Variants in SERPINE2 observed in about 807,000 individuals in gnomAD.
The protein encoded by SERPINE2 is serpin family E member 2.
Under a neutral mutation model 36.3 loss-of-function variants are expected in SERPINE2, and 14 were observed. That is an observed-to-expected ratio of 0.39 (90% CI 0.25 to 0.60). The LOEUF is 0.60. Among genes scored for constraint, SERPINE2 ranks in the 20% least tolerant of loss-of-function variants. The pLI, the probability that SERPINE2 is intolerant of heterozygous loss-of-function variation, is 0.57. For synonymous variants in SERPINE2, 192 were observed against 191.8 expected (o/e 1.00, Z -0.01); for missense variants, 418 against 499.6 (o/e 0.84, Z 1.56).
At chr2:223,980,202 C>G (rs729631) in intron 7 of SERPINE2, 109 bp downstream of exon 7, 690,917 of 886,048 alleles carry the variant, frequency 0.78, 273,195 homozygotes, top group Admixed American at 0.83. Flanking sequence ...CCCACACACA[C>G]TGCCTGGCTG....
intron 1 of SERPINE2, chr2:224,031,161 A>C: frequency 1.0e-6 from 1 of 985,444 alleles, no homozygotes; most frequent in African/African-American, 1.7e-5. Context: ...CACGGTTCAC[A>C]CATCTACAGA....
chr2:223,995,668 G>T (rs910800216), intron 3 of SERPINE2, among the ~76,000 whole-genome samples: 2 of 152,166 alleles, frequency 1.3e-5, no homozygotes, highest in Admixed American at 1.3e-4. Flanking sequence ...GAATTTGCCA[G>T]GAATGTGAGT....
chr2:224,005,347 C>T (rs1017047980), intron 1 of SERPINE2, among the ~76,000 whole-genome samples: 3 of 151,870 alleles, frequency 2.0e-5, no homozygotes, highest in African/African-American at 7.3e-5. Context: ...CATAAAAGTG[C>T]ACTGGGACAG....
At chr2:224,027,555 G>A (rs985029376) in intron 1 of SERPINE2, among the ~76,000 whole-genome samples, 114 of 152,292 alleles carry the variant, frequency 7.5e-4, no homozygotes, top group African/African-American at 2.6e-3. Context: ...AGGACTTAGG[G>A]ACAAGGTGGG....
At chr2:224,011,542 T>C (rs1691622889) in intron 1 of SERPINE2, among the ~76,000 whole-genome samples, 1 of 152,226 alleles carries the variant, frequency 6.6e-6, no homozygotes, top group Non-Finnish European at 1.5e-5. Flanking sequence ...TCTGATCCTT[T>C]AGAATAACCC....
At chr2:224,005,848 T>C (rs1691402628) in intron 1 of SERPINE2, among the ~76,000 whole-genome samples, 2 of 152,220 alleles carry the variant, frequency 1.3e-5, no homozygotes, top group South Asian at 4.1e-4. Flanking sequence ...AATAGGTCTC[T>C]AGGCCATCAT....
chr2:223,990,553 A>G (rs1690622302), intron 4 of SERPINE2, among the ~76,000 whole-genome samples: 1 of 152,132 alleles, frequency 6.6e-6, no homozygotes, highest in Admixed American at 6.5e-5. Flanking sequence ...ACAGTAAATG[A>G]GGGCCCCCTC....
chr2:223,991,260 A>G (rs1322553866), intron 4 of SERPINE2, among the ~76,000 whole-genome samples: 2 of 152,224 alleles, frequency 1.3e-5, no homozygotes, highest in East Asian at 1.9e-4. Flanking sequence ...TTATGTTCAC[A>G]GTATAAATTC....
In SERPINE2 at chr2:224,031,771, G is replaced by A. The variant is rs117757013; in HGVS notation, c.-23+7328C>T. Among the ~76,000 whole-genome samples, 452 of 25,714 alleles carry A rather than the reference G, an allele frequency of 0.018. 9 individuals carry two copies. In the East Asian group the frequency reaches 0.18, roughly 10 times the overall value. The allele number at this position is 25,714 out of a possible 152,430, so 16.9% of individuals were successfully genotyped here. On this transcript the variant is annotated intron_variant, in intron 1 of 8. Coordinates refer to ENST00000409304, the MANE Select transcript of SERPINE2 (RefSeq NM_001136528.2). ...ATTTCCACCCCCCACCCCCCCCGCC[G>A]GCTGGAACTGGCTGAAAAGCCCCTC...
intron 4 of SERPINE2, among the ~76,000 whole-genome samples, chr2:223,989,933 G>C (rs1690587880): frequency 6.6e-6 from 1 of 152,318 alleles, no homozygotes; most frequent in East Asian, 1.9e-4. Context: ...ATGATGGACA[G>C]TACCCTGGAC....
At chr2:224,021,034 G>A (rs1691981374) in intron 1 of SERPINE2, among the ~76,000 whole-genome samples, 2 of 152,106 alleles carry the variant, frequency 1.3e-5, no homozygotes, top group South Asian at 2.1e-4. Flanking sequence ...AAACCTCTAC[G>A]GCCCAGAGAA....
chr2:224,035,308 G>T (rs189361606), intron 1 of SERPINE2, among the ~76,000 whole-genome samples: 343 of 152,296 alleles, frequency 2.3e-3, no homozygotes, highest in Admixed American at 5.3e-3. Context: ...AGTGTATTCA[G>T]GCACTGGAAA....
At chr2:223,989,997 G>A (rs1038806757) in intron 4 of SERPINE2, among the ~76,000 whole-genome samples, 2 of 152,164 alleles carry the variant, frequency 1.3e-5, no homozygotes, top group East Asian at 1.9e-4. Context: ...GAAGAGAGGG[G>A]TGGTGACCCA....
At chr2:224,003,404 A>G (rs1402511876) in intron 1 of SERPINE2, among the ~76,000 whole-genome samples, 3 of 152,228 alleles carry the variant, frequency 2.0e-5, no homozygotes, top group Non-Finnish European at 4.4e-5. Flanking sequence ...TGCTCTGATT[A>G]TCTTATAACC....
chr2:224,002,792 T>C (rs1691238370), intron 1 of SERPINE2, among the ~76,000 whole-genome samples: 1 of 151,404 alleles, frequency 6.6e-6, no homozygotes, highest in South Asian at 2.1e-4. Context: ...ATGCTCAGCC[T>C]AATCATTATT....
At chr2:224,023,972 C>G (rs1395158272) in intron 1 of SERPINE2, among the ~76,000 whole-genome samples, 1 of 152,142 alleles carries the variant, frequency 6.6e-6, no homozygotes, top group East Asian at 1.9e-4. Flanking sequence ...AAACAGTGAC[C>G]CAGAAAGAGT....
chr2:223,984,089 T>C (rs956091496), intron 5 of SERPINE2, among the ~76,000 whole-genome samples: 4 of 148,020 alleles, frequency 2.7e-5, no homozygotes, highest in Non-Finnish European at 1.5e-5. Context: ...AAGACCTGGG[T>C]TGTTAAAAGC....
At chr2:223,989,845 A>G (rs547109355) in intron 4 of SERPINE2, among the ~76,000 whole-genome samples, 58 of 152,318 alleles carry the variant, frequency 3.8e-4, no homozygotes, top group Admixed American at 7.2e-4. Context: ...GAGTAAACAG[A>G]TAAGACATCA....
chr2:223,995,225 C>T (rs1159805491), intron 3 of SERPINE2, among the ~76,000 whole-genome samples: 2 of 152,154 alleles, frequency 1.3e-5, no homozygotes, highest in Admixed American at 6.5e-5. Context: ...AAAAGGCCTG[C>T]GCGTTGGGCT....
Sources: allele counts gnomAD v4.1 joint callset (sites outside exome capture counted in the v4.1 genomes callset), GRCh38; gene constraint gnomAD v4.1.1; transcripts MANE v1.5; gene names NCBI Gene and HGNC (gene_info 2026-07-23, HGNC 2026-07-21).